CWC22: variants seen among roughly 807,000 people sequenced by gnomAD.
CWC22 encodes CWC22 spliceosome associated protein.
A neutral mutation model predicts 117.2 loss-of-function variants in CWC22; 53 were observed. The ratio of observed to expected loss-of-function variants is 0.45; its 90% CI spans 0.36 to 0.57. CWC22 has a LOEUF of 0.57. CWC22 is among the 20% of genes least tolerant of loss of function. CWC22 has a pLI of 0.00. For missense variants in CWC22, 980 were observed against 1,068.8 expected, an observed-to-expected ratio of 0.92 and a Z score of 1.16; for synonymous variants, 360 against 355.6, an observed-to-expected ratio of 1.01 and a Z score of -0.14.
intron 1 of CWC22, among the ~76,000 whole-genome samples, chr2:180,004,203 A>G (rs758409484): frequency 6.6e-6 from 1 of 152,234 alleles, no homozygotes; most frequent in Non-Finnish European, 1.5e-5. Flanking sequence ...GGATATGATG[A>G]GTAGTACAAA....
intron 1 of CWC22, among the ~76,000 whole-genome samples, chr2:180,001,504 A>AT (rs1280084933): frequency 6.6e-6 from 1 of 151,948 alleles, no homozygotes; most frequent in Non-Finnish European, 1.5e-5. Context: ...AATTTTGTGT[A>AT]TTTTTAGTAG....
At chr2:179,960,729 T>G (rs1335117267) in intron 13 of CWC22, among the ~76,000 whole-genome samples, 2 of 152,066 alleles carry the variant, frequency 1.3e-5, no homozygotes, top group African/African-American at 4.8e-5. Context: ...CACAGGAATA[T>G]TTACACTTTC....
Position 179,950,498 on chromosome 2 carries a change from A to G in CWC22, c.2140+14T>C. 6.5e-7 allele frequency: 1 copy of G among 1,542,322 alleles called. No homozygotes were observed. Among genetic ancestry groups the G allele is most frequent in the Non-Finnish European group, 8.9e-7 (1 of 1,123,208 alleles). Reference sequence around the variant, plus strand: ...TAGAAAAGAGCAAGCCAAATTACACATAAGCTTCAATACCTGAGGCAGAGC... The same window carrying G: ...TAGAAAAGAGCAAGCCAAATTACACGTAAGCTTCAATACCTGAGGCAGAGC... On this transcript the variant is annotated intron_variant, in intron 19 of 19. Coordinates refer to ENST00000410053, the MANE Select transcript of CWC22 (RefSeq NM_020943.3).
chr2:179,963,335 CTT>C (rs774947016), intron 13 of CWC22, among the ~76,000 whole-genome samples: 55 of 82,058 alleles, frequency 6.7e-4, no homozygotes, highest in African/African-American at 2.2e-3. Context: ...ATATTTAATA[CTT>C]TTTTTTTTTT....
At chr2:179,972,009 C>T (rs770233694) in intron 8 of CWC22, among the ~76,000 whole-genome samples, 1 of 152,066 alleles carries the variant, frequency 6.6e-6, no homozygotes, top group Non-Finnish European at 1.5e-5. Context: ...CATGGCAATG[C>T]CAAAAATCTC....
intron 14 of CWC22, 103 bp from the exon 15 acceptor site, chr2:179,955,137 T>G (rs1225429939): frequency 4.5e-5 from 35 of 782,332 alleles, no homozygotes; most frequent in Non-Finnish European, 7.1e-5. Flanking sequence ...TAAATAAGGG[T>G]TTAAAACAGT....
chr2:179,963,157 G>GT (rs1467228227), intron 13 of CWC22, among the ~76,000 whole-genome samples: 1 of 151,722 alleles, frequency 6.6e-6, no homozygotes, highest in Admixed American at 6.6e-5. Context: ...GAGCTCCACT[G>GT]TAACTCTTCA....
intron 14 of CWC22, among the ~76,000 whole-genome samples, 160 bp downstream of exon 14, chr2:179,958,862 C>T (rs2105515060): frequency 6.6e-6 from 1 of 152,078 alleles, no homozygotes; most frequent in East Asian, 1.9e-4. Flanking sequence ...TCTGAAACAC[C>T]CTAAGCTTTG....
intron 6 of CWC22, among the ~76,000 whole-genome samples, chr2:179,974,058 CCT>C (rs1687096143): frequency 6.6e-6 from 1 of 152,060 alleles, no homozygotes; most frequent in Admixed American, 6.6e-5. Flanking sequence ...ACATATAATT[CCT>C]CTTTTCCCAG....
intron 4 of CWC22, among the ~76,000 whole-genome samples, chr2:179,983,296 G>A (rs531952990): frequency 1.3e-5 from 2 of 152,048 alleles, no homozygotes; most frequent in African/African-American, 4.8e-5. Context: ...GCCCCAGTGT[G>A]TGTTGTTCTC....
intron 8 of CWC22, among the ~76,000 whole-genome samples, chr2:179,972,437 A>T (rs1261699800): frequency 6.6e-6 from 1 of 152,232 alleles, no homozygotes; most frequent in Admixed American, 6.5e-5. Flanking sequence ...ATTAAAATCG[A>T]TCAACTCTAT....
At chr2:179,965,854 TA>T (rs770768089) in intron 12 of CWC22, 23 bp downstream of exon 12, 2 of 1,360,692 alleles carry the variant, frequency 1.5e-6, no homozygotes, top group Non-Finnish European at 1.0e-6. Flanking sequence ...CTTATAATAT[TA>T]TTTGAATATG....
rs1402056356 is a variant in CWC22 at position 180,001,293 on chromosome 2, T to C, written c.-114+5574A>G. 7.2e-5 allele frequency among the ~76,000 whole-genome samples: 11 copies of C among 152,096 alleles called. No homozygotes were observed. In the East Asian group the frequency reaches 2.1e-3, roughly 29 times the overall value. On this transcript the variant is annotated intron_variant, in intron 1 of 19. Transcript: ENST00000410053. ...TCATCCCTACACAGCTATTTTGTGA[T>C]ATGTAAGTTCACACTTGATGCCTCT... is the stretch of plus-strand genomic sequence containing the variant.
intron 3 of CWC22, 132 bp from the exon 4 acceptor site, chr2:179,986,937 C>T (rs1268695760): frequency 1.7e-5 from 8 of 479,314 alleles, no homozygotes; most frequent in South Asian, 4.2e-5. Context: ...TTCTTAACAG[C>T]TCATTTTGCT....
intron 5 of CWC22, among the ~76,000 whole-genome samples, chr2:179,980,034 A>G (rs1045284557): frequency 6.6e-6 from 1 of 152,186 alleles, no homozygotes; most frequent in Non-Finnish European, 1.5e-5. Context: ...TCTGCTTTAA[A>G]TTGCATGTAT....
chr2:179,958,352 A>T (rs914759264), intron 14 of CWC22, among the ~76,000 whole-genome samples: 1 of 104,794 alleles, frequency 9.5e-6, no homozygotes, highest in Admixed American at 1.4e-4. Flanking sequence ...AAAAAAAAAG[A>T]ATGAAGAAAA....
In CWC22 at chr2:180,004,693, C is replaced by T. The variant is rs1371037753; in HGVS notation, c.-114+2174G>A. On this transcript the variant is annotated intron_variant, in intron 1 of 19. Coordinates refer to ENST00000410053, the MANE Select transcript of CWC22 (RefSeq NM_020943.3). ...AGCCATCGCCGCCCCCGCCCCTCGC[C>T]CCCCTCCCCCCCAGGAGAGTTAACT... 5.3e-5 allele frequency among the ~76,000 whole-genome samples: 8 copies of T among 151,536 alleles called. No individual in the cohort carries two copies. In the East Asian group the frequency reaches 1.4e-3, roughly 26 times the overall value.
intron 13 of CWC22, among the ~76,000 whole-genome samples, chr2:179,963,695 T>A (rs532773435): frequency 2.6e-4 from 39 of 152,292 alleles, no homozygotes; most frequent in Middle Eastern, 3.4e-3. Flanking sequence ...AGCAAAAAAA[T>A]TCCCAACCAA....
intron 6 of CWC22, among the ~76,000 whole-genome samples, chr2:179,975,035 C>A (rs1357957944): frequency 6.6e-6 from 1 of 152,188 alleles, no homozygotes; most frequent in Admixed American, 6.5e-5. Flanking sequence ...ATTACAGCGA[C>A]CGTGCCTGGC....
Sources: gnomAD v4.1 joint callset for allele counts (sites outside exome capture counted in the v4.1 genomes callset) on GRCh38, gnomAD v4.1.1 for gene constraint, MANE v1.5 for transcripts, NCBI Gene and HGNC (gene_info 2026-07-23, HGNC 2026-07-21) for gene names.